DUSP22: variants seen among roughly 807,000 people sequenced by gnomAD.
DUSP22 encodes the protein dual specificity phosphatase 22, also known as dual specificity protein phosphatase 22.
A neutral mutation model predicts 24.5 loss-of-function variants in DUSP22; 24 were observed. The observed-to-expected ratio is 0.98, with a 90% CI of 0.71 to 1.38. The LOEUF is 1.38. Ranked by LOEUF, DUSP22 falls within the 40% of genes most tolerant of loss-of-function variation. DUSP22 has a pLI of 0.00. For synonymous variants in DUSP22, 160 were observed against 106.4 expected (o/e 1.50, Z -3.10); for missense variants, 330 against 269.2 (o/e 1.23, Z -1.58).
intron 1 of DUSP22, among the ~76,000 whole-genome samples, chr6:300,672 G>T (rs1757539393): frequency 2.0e-5 from 3 of 152,274 alleles, no homozygotes; most frequent in African/African-American, 7.2e-5. Context: ...TAGCAGGGCG[G>T]GTAGGTCTCG....
At chr6:344,928 G>A (rs1214921248) in intron 4 of DUSP22, among the ~76,000 whole-genome samples, 2 of 152,306 alleles carry the variant, frequency 1.3e-5, no homozygotes, top group Non-Finnish European at 2.9e-5. Flanking sequence ...ATCCACAGCT[G>A]GTGTGAGGGT....
At chr6:322,514 T>C (rs1237845050) in intron 3 of DUSP22, among the ~76,000 whole-genome samples, 1 of 152,298 alleles carries the variant, frequency 6.6e-6, no homozygotes, top group East Asian at 1.9e-4. Context: ...AAGAAGACCC[T>C]CGTGTTTGGC....
intron 3 of DUSP22, among the ~76,000 whole-genome samples, chr6:314,784 T>C (rs1758267646): frequency 6.6e-6 from 1 of 152,294 alleles, no homozygotes; most frequent in Admixed American, 6.5e-5. Flanking sequence ...TCCTGTGAAA[T>C]CCAGGGGATG....
intron 2 of DUSP22, among the ~76,000 whole-genome samples, chr6:310,950 A>T (rs186057247): frequency 6.6e-6 from 1 of 152,310 alleles, no homozygotes; most frequent in South Asian, 2.1e-4. Flanking sequence ...AGCTGAGGCA[A>T]AATTAATACA....
chr6:347,876 A>G (rs1358050847), intron 5 of DUSP22, among the ~76,000 whole-genome samples: 2 of 152,308 alleles, frequency 1.3e-5, no homozygotes, highest in Non-Finnish European at 2.9e-5. Flanking sequence ...CAATAAAAGA[A>G]GCTCAAACAG....
chr6:331,445 C>A (rs965576837), intron 3 of DUSP22, among the ~76,000 whole-genome samples: 3 of 152,284 alleles, frequency 2.0e-5, no homozygotes, highest in African/African-American at 7.2e-5. Context: ...TTTTTAACCT[C>A]CAAGTTTGTT....
At chr6:346,022 C>T in intron 5 of DUSP22, 94 bp downstream of exon 5, 1 of 1,480,316 alleles carries the variant, frequency 6.8e-7, no homozygotes, top group Non-Finnish European at 9.4e-7. Context: ...ATGGTTTCAC[C>T]TCCTAATAGT....
intron 3 of DUSP22, among the ~76,000 whole-genome samples, chr6:316,230 C>T (rs1482978554): frequency 2.0e-5 from 3 of 152,304 alleles, no homozygotes. Context: ...AAGGCCTTCT[C>T]ACTACAGAGG....
At chr6:348,464 G>T in intron 6 of DUSP22, 190 bp downstream of exon 6, 1 of 1,014,328 alleles carries the variant, frequency 9.9e-7, no homozygotes. Flanking sequence ...TGAAGCCACA[G>T]GCGCCTACCC....
Position 351,214 on chromosome 6 carries a change from A to G in DUSP22, c.*2263A>G, listed in dbSNP as rs761017889. 2 of 316,090 alleles carry G rather than the reference A, an allele frequency of 6.3e-6. No homozygotes were observed. The highest frequency in any genetic ancestry group is 1.2e-5 in the Non-Finnish European group (2 of 170,804). The allele number at this position is 316,090 out of a possible 1,614,324, so 19.6% of individuals were successfully genotyped here. ...GAGCCCAGTGTAGTTGTGTGGCGTGAACTCTGCCCGTGTGTTCTCAAATTC... is the reference window on the plus strand; with the variant it reads ...GAGCCCAGTGTAGTTGTGTGGCGTGGACTCTGCCCGTGTGTTCTCAAATTC... On this transcript the variant is annotated 3_prime_UTR_variant, in exon 7 of 7. Transcript: ENST00000419235.
At chr6:308,409 C>A (rs564287282) in intron 2 of DUSP22, among the ~76,000 whole-genome samples, 1 of 152,418 alleles carries the variant, frequency 6.6e-6, no homozygotes, top group South Asian at 2.1e-4. Context: ...AGGGTCATCA[C>A]CCAGCAGGTT....
chr6:341,214 G>A (rs936101262), intron 4 of DUSP22, among the ~76,000 whole-genome samples: 13 of 152,420 alleles, frequency 8.5e-5, no homozygotes, highest in African/African-American at 2.2e-4. Context: ...TGCAGCATTC[G>A]CTGGCTCTCT....
chr6:304,385 G>A (rs1451425345), intron 1 of DUSP22, among the ~76,000 whole-genome samples: 1 of 152,306 alleles, frequency 6.6e-6, no homozygotes, highest in African/African-American at 2.4e-5. Flanking sequence ...CAGCACTGCA[G>A]GGCTGCAAAT....
At chr6:298,410 T>C (rs1412516487) in intron 1 of DUSP22, among the ~76,000 whole-genome samples, 1 of 152,306 alleles carries the variant, frequency 6.6e-6, no homozygotes, top group Non-Finnish European at 1.5e-5. Context: ...CACATGGCCT[T>C]GGGCAGCTGC....
intron 3 of DUSP22, among the ~76,000 whole-genome samples, chr6:329,682 G>C (rs1336336876): frequency 6.6e-6 from 1 of 152,306 alleles, no homozygotes; most frequent in African/African-American, 2.4e-5. Flanking sequence ...TCGAACTCCT[G>C]ACCTCGTGGC....
At chr6:304,340 G>T (rs1412544472) in intron 1 of DUSP22, among the ~76,000 whole-genome samples, 2 of 152,310 alleles carry the variant, frequency 1.3e-5, no homozygotes, top group Non-Finnish European at 2.9e-5. Flanking sequence ...GGGTGGGCAG[G>T]CGGGGCAGGG....
rs11436850 is a variant in DUSP22 at position 293,797 on chromosome 6, C to CTTTT, written c.21+1255_21+1258dup. Among the ~76,000 whole-genome samples the CTTTT allele has an allele frequency of 4.7e-3, 584 of 123,544 alleles. 11 individuals carry two copies. The highest frequency in any genetic ancestry group is 0.011 in the African/African-American group (373 of 32,896). The allele number at this position is 123,544 out of a possible 152,430, so 81.0% of individuals were successfully genotyped here. ...ATTTTGGTAAAGAGAATTGTATTCA[C>CTTTT]TTTTTTTTTTTTTTTTTTTTTGGCG... is the stretch of plus-strand genomic sequence containing the variant. On this transcript the variant is annotated intron_variant, in intron 1 of 6. Coordinates refer to ENST00000419235, the MANE Select transcript of DUSP22 (RefSeq NM_001286555.3).
At chr6:314,761 C>T (rs879743571) in intron 3 of DUSP22, among the ~76,000 whole-genome samples, 1 of 152,306 alleles carries the variant, frequency 6.6e-6, no homozygotes, top group Non-Finnish European at 1.5e-5. Context: ...TACTGAGACC[C>T]CCATGGAACA....
chr6:347,963 C>G, intron 5 of DUSP22, 140 bp from the exon 6 acceptor site: 2 of 1,268,154 alleles, frequency 1.6e-6, no homozygotes, highest in Non-Finnish European at 2.2e-6. Context: ...TTCCTGGTGG[C>G]GAGCTTGCTG....
Sources: allele counts gnomAD v4.1 joint callset (sites outside exome capture counted in the v4.1 genomes callset), GRCh38; gene constraint gnomAD v4.1.1; transcripts MANE v1.5; gene names NCBI Gene and HGNC (gene_info 2026-07-23, HGNC 2026-07-21).